The following PPP1R15B variants were observed in gnomAD, a reference collection of about 807,000 sequenced individuals.
PPP1R15B encodes protein phosphatase 1 regulatory subunit 15B.
PPP1R15B carries 31 observed loss-of-function variants against 53.9 expected under a neutral mutation model. The observed-to-expected ratio is 0.58, with a 90% CI of 0.43 to 0.78. The LOEUF (loss-of-function observed/expected upper bound fraction) is 0.78. Ranked by LOEUF, PPP1R15B falls within the 30% of genes least tolerant of loss-of-function variation. The pLI, the probability that PPP1R15B is intolerant of heterozygous loss-of-function variation, is 0.00. For missense variants in PPP1R15B, 928 were observed against 849.6 expected, an observed-to-expected ratio of 1.09 and a Z score of -1.15; for synonymous variants, 345 against 329.1, an observed-to-expected ratio of 1.05 and a Z score of -0.52.
At position 204,410,392 on chromosome 1, in the gene PPP1R15B, T is replaced by G. The variant is rs1333822161; in HGVS notation, c.1020A>C (p.Arg340Ser). ...SLLRMDPKHC[R>S]DNPTQFVPAA... ...CAGGAACAAACTGTGTTGGGTTATC[T>G]CTGCAGTGTTTTGGATCCATCCGGA... The change falls in exon 1 of 2, where the codon AGA becomes AGC. Residue 340 changes from arginine (R) to serine (S), a missense_variant. By Grantham distance (110) the Arg-to-Ser change is moderately radical. Coordinates refer to ENST00000367188, the MANE Select transcript of PPP1R15B (RefSeq NM_032833.5). 4 of 1,614,212 alleles carry G rather than the reference T, an allele frequency of 2.5e-6. No homozygotes were observed. Among genetic ancestry groups the G allele is most frequent in the Non-Finnish European group, 3.4e-6 (4 of 1,180,034 alleles).
downstream of PPP1R15B, among the ~76,000 whole-genome samples, chr1:204,398,726 G>A (rs936815797): frequency 2.6e-5 from 4 of 152,084 alleles, no homozygotes; most frequent in African/African-American, 7.2e-5. Context: ...GGAAGATAAC[G>A]CCATCTGGTG....
rs1674353109 is a variant in PPP1R15B, at chr1:204,410,650, G to A, written c.762C>T (p.Thr254=). The A allele has an allele frequency of 1.2e-6, 2 of 1,613,976 alleles. No homozygotes were observed. Among genetic ancestry groups the A allele is most frequent in the Non-Finnish European group, 1.7e-6 (2 of 1,179,930 alleles). ...NSEVVGFQTL[T]PESSCLREDH... is the part of the protein sequence containing the mutation. ...CCTCTCTCAGGCAGCTGCTCTCTGG[G>A]GTTAGTGTCTGGAAGCCGACTACCT... The change falls in exon 1 of 2, where the codon ACC becomes ACT. Residue 254 remains threonine (T), a synonymous_variant. Transcript: ENST00000367188.
At chr1:204,400,333 T>G (rs1674154832), downstream of PPP1R15B, among the ~76,000 whole-genome samples, 1 of 151,876 alleles carries the variant, frequency 6.6e-6, no homozygotes, top group Non-Finnish European at 1.5e-5. Context: ...TTTCTGAAAG[T>G]TAATCCATCT....
Position 204,406,081 on chromosome 1 carries a change from A to C in PPP1R15B, c.*11T>G. On this transcript the variant is annotated 3_prime_UTR_variant, in exon 2 of 2. Transcript: ENST00000367188. ...GGTAGTGTATGCTAGCTAGGACTAC[A>C]GGCTGCCAACTCAACATTGCTTGAG... is the stretch of plus-strand genomic sequence containing the variant. The C allele has an allele frequency of 1.9e-6, 3 of 1,613,830 alleles. No homozygotes were observed. The highest frequency in any genetic ancestry group is 2.5e-6 in the Non-Finnish European group (3 of 1,179,866).
At chr1:204,408,578 C>T (rs756867756) in intron 1 of PPP1R15B, among the ~76,000 whole-genome samples, 6 of 152,116 alleles carry the variant, frequency 3.9e-5, no homozygotes, top group Non-Finnish European at 8.8e-5. Flanking sequence ...CTCCAAGTAA[C>T]GGTATAGAAA....
chr1:204,404,493 A>G lies in PPP1R15B; in HGVS notation c.*1599T>C. 1.0e-6 allele frequency: 1 copy of G among 982,528 alleles called. No homozygotes were observed. The highest frequency in any genetic ancestry group is 1.2e-6 in the Non-Finnish European group (1 of 826,994). The allele number at this position is 982,528 out of a possible 1,614,324, so 60.9% of individuals were successfully genotyped here. On this transcript the variant is annotated 3_prime_UTR_variant, in exon 2 of 2. Coordinates refer to ENST00000367188, the MANE Select transcript of PPP1R15B (RefSeq NM_032833.5). ...GAACGAGACTCTGTCTCAAAAAAAA[A>G]AGAAAAAAACAAAAAACACACAGAA... is the stretch of plus-strand genomic sequence containing the variant.
chr1:204,398,864 G>T (rs1445775532), downstream of PPP1R15B, among the ~76,000 whole-genome samples: 2 of 152,196 alleles, frequency 1.3e-5, no homozygotes, highest in Non-Finnish European at 2.9e-5. Flanking sequence ...GAGGGTCTCA[G>T]TTGATTTGCT....
At position 204,404,020 on chromosome 1, in the gene PPP1R15B, CACA is replaced by C; in HGVS notation, c.*2069_*2071del. On this transcript the variant is annotated 3_prime_UTR_variant, in exon 2 of 2. Transcript: ENST00000367188. The stretch of plus-strand genomic sequence containing the variant: ...GGTGCTAGGTTTAAGAAACAGGAAA[CACA>C]ACGTTAAGTCTCGGAAATAAAATGT... The C allele has an allele frequency of 2.0e-6, 2 of 985,374 alleles. No individual in the cohort carries two copies. Among genetic ancestry groups the C allele is most frequent in the Non-Finnish European group, 1.2e-6 (1 of 829,906 alleles). 61.0% of individuals were successfully genotyped at this position (985,374 alleles called of 1,614,324 possible).
chr1:204,408,163 A>G (rs1013314725), intron 1 of PPP1R15B, among the ~76,000 whole-genome samples: 10 of 152,234 alleles, frequency 6.6e-5, no homozygotes, highest in Non-Finnish European at 1.2e-4. Context: ...AATTGAGGCC[A>G]TGAGAGTCAA....
At chr1:204,399,846 T>A (rs140747897), downstream of PPP1R15B, among the ~76,000 whole-genome samples, 1 of 152,206 alleles carries the variant, frequency 6.6e-6, no homozygotes, top group Non-Finnish European at 1.5e-5. Context: ...TAGTCTTTCA[T>A]GATAAAATGC....
downstream of PPP1R15B, among the ~76,000 whole-genome samples, chr1:204,400,343 T>A (rs1217199131): frequency 6.7e-6 from 1 of 150,044 alleles, no homozygotes; most frequent in East Asian, 1.9e-4. Context: ...TTAATCCATC[T>A]TTTTTATTTT....
In PPP1R15B at chr1:204,405,330, A is replaced by G. The variant is rs1309804058; in HGVS notation, c.*762T>C. The G allele has an allele frequency of 1.0e-6, 1 of 981,522 alleles. No individual in the cohort carries two copies. The highest frequency in any genetic ancestry group is 1.2e-6 in the Non-Finnish European group (1 of 826,416). The allele number at this position is 981,522 out of a possible 1,614,324, so 60.8% of individuals were successfully genotyped here. ...AGAACTATATTAAACTGGGAACTACAATAACGTACACAGAACCCTCTTCAA... is the reference window on the plus strand; with the variant it reads ...AGAACTATATTAAACTGGGAACTACGATAACGTACACAGAACCCTCTTCAA... On this transcript the variant is annotated 3_prime_UTR_variant, in exon 2 of 2. Transcript: ENST00000367188.
intron 1 of PPP1R15B, among the ~76,000 whole-genome samples, 179 bp downstream of exon 1, chr1:204,409,313 G>C (rs1674316419): frequency 1.3e-5 from 2 of 152,278 alleles, no homozygotes; most frequent in South Asian, 4.1e-4. Flanking sequence ...GTGCATTGGG[G>C]TGGGGGGTGA....
At position 204,404,230 on chromosome 1, in the gene PPP1R15B, TC is replaced by T. The variant is rs1353898000; in HGVS notation, c.*1861del. 16 of 985,142 alleles carry T rather than the reference TC, an allele frequency of 1.6e-5. No individual in the cohort carries two copies. Among genetic ancestry groups the T allele is most frequent in the Non-Finnish European group, 1.6e-5 (13 of 829,894 alleles). 61.0% of individuals were successfully genotyped at this position (985,142 alleles called of 1,614,324 possible). On this transcript the variant is annotated 3_prime_UTR_variant, in exon 2 of 2. Transcript: ENST00000367188. ...GTGGAGGTGCACAAAACACACAGAA[TC>T]CCAGCACTTTGAGAGGCCGAGGCGG...
Position 204,403,619 on chromosome 1 carries a change from A to C in PPP1R15B, c.*2473T>G. The C allele has an allele frequency of 1.0e-6, 1 of 985,418 alleles. No individual in the cohort carries two copies. The highest frequency in any genetic ancestry group is 5.2e-4 in the Middle Eastern group (1 of 1,912). The allele number at this position is 985,418 out of a possible 1,614,324, so 61.0% of individuals were successfully genotyped here. On this transcript the variant is annotated 3_prime_UTR_variant, in exon 2 of 2. Coordinates refer to ENST00000367188, the MANE Select transcript of PPP1R15B (RefSeq NM_032833.5). ...GAAGTGTTACATTTCATCACTCAGAAATGGAACTTTTACCTGTCTGTACAA... is the reference window on the plus strand; with the variant it reads ...GAAGTGTTACATTTCATCACTCAGACATGGAACTTTTACCTGTCTGTACAA...
downstream of PPP1R15B, among the ~76,000 whole-genome samples, chr1:204,402,615 TCTCA>T (rs1393642668): frequency 6.6e-5 from 10 of 151,668 alleles, no homozygotes; most frequent in East Asian, 1.2e-3. Context: ...GAGGAAAGTG[TCTCA>T]CTATGTTGCT....
chr1:204,401,829 G>A (rs1048422813), downstream of PPP1R15B, among the ~76,000 whole-genome samples: 4 of 152,280 alleles, frequency 2.6e-5, no homozygotes. Flanking sequence ...GCTGAGGTGG[G>A]AGAATCGCTT....
rs1674373485 is a variant in PPP1R15B, at chr1:204,411,306, A to C, written c.106T>G (p.Phe36Val). Residue 36 changes from phenylalanine (F) to valine (V), a missense_variant, in exon 1 of 2, where the codon TTC (phenylalanine) becomes GTC (valine). Phe to Val is a conservative substitution (Grantham distance 50). Transcript: ENST00000367188. ...TTTTCCGGGCCAAGAGGCGTCGGGAACTTAGAAGAGCCTGCTTGCGATCGC... is the reference window on the plus strand; with the variant it reads ...TTTTCCGGGCCAAGAGGCGTCGGGACCTTAGAAGAGCCTGCTTGCGATCGC... ...PRRSQAGSSK[F>V]PTPLGPENSG... is the part of the protein sequence containing the mutation. 1 of 1,614,062 alleles carries C rather than the reference A, an allele frequency of 6.2e-7. No individual in the cohort carries two copies. The highest frequency in any genetic ancestry group is 1.3e-5 in the African/African-American group (1 of 74,932).
chr1:204,410,579 G>C lies in PPP1R15B; in HGVS notation c.833C>G (p.Ser278Trp), dbSNP rs745727687. 1 of 1,614,010 alleles carries C rather than the reference G, an allele frequency of 6.2e-7. No homozygotes were observed. Among genetic ancestry groups the C allele is most frequent in the South Asian group, 1.1e-5 (1 of 91,070 alleles). The change falls in exon 1 of 2, where the codon TCG (serine) becomes TGG (tryptophan). Residue 278 changes from serine (S) to tryptophan (W), a missense_variant. Physicochemically the swap from Ser to Trp is radical, Grantham distance 177. Transcript: ENST00000367188. ...AGAAAGAGGTGGACATCCCTGCCACGAGGCCGGAATGAGTTCTGCACTCAG... is the reference window on the plus strand; with the variant it reads ...AGAAAGAGGTGGACATCCCTGCCACCAGGCCGGAATGAGTTCTGCACTCAG... The part of the protein sequence containing the change: ...QPLSAELIPA[S>W]WQGCPPLSTE...
Sources: allele counts gnomAD v4.1 joint callset (sites outside exome capture counted in the v4.1 genomes callset), GRCh38; gene constraint gnomAD v4.1.1; transcripts MANE v1.5; gene names NCBI Gene and HGNC (gene_info 2026-07-23, HGNC 2026-07-21).